Variants in HERC4 observed in about 807,000 individuals in gnomAD.
The protein encoded by HERC4 is HECT and RLD domain containing E3 ubiquitin protein ligase 4, also known as probable E3 ubiquitin-protein ligase HERC4.
In HERC4, 28 loss-of-function variants were observed where a neutral mutation model predicts 124.3. The observed-to-expected ratio is 0.23, with a 90% confidence interval of 0.17 to 0.31. The LOEUF (loss-of-function observed/expected upper bound fraction) is 0.31, where lower values mean the gene tolerates loss of function less well. HERC4 is among the 10% of genes least tolerant of loss of function. HERC4 has a pLI of 1.00. For missense variants in HERC4, 713 were observed against 1,229.3 expected, an observed-to-expected ratio of 0.58 and a Z score of 6.28; for synonymous variants, 407 against 421.5, an observed-to-expected ratio of 0.97 and a Z score of 0.42.
intron 16 of HERC4, chr10:67,964,753 G>A (rs1430159842): frequency 6.6e-6 from 1 of 152,224 alleles, no homozygotes; most frequent in Non-Finnish European, 1.5e-5. Flanking sequence ...AAGCCATGCT[G>A]GCTGTTTTCC....
At chr10:68,029,051 G>A (rs918298544) in intron 7 of HERC4, among the ~76,000 whole-genome samples, 11 of 152,130 alleles carry the variant, frequency 7.2e-5, no homozygotes, top group African/African-American at 2.4e-4. Context: ...AGTGGCGCCC[G>A]TAGCTCCAGC....
intron 5 of HERC4, among the ~76,000 whole-genome samples, 153 bp from the exon 6 acceptor site, chr10:68,034,339 T>C (rs1037046199): frequency 2.0e-5 from 3 of 152,240 alleles, no homozygotes; most frequent in African/African-American, 7.2e-5. Flanking sequence ...TTTTAGCAAT[T>C]ATACTTATTT....
At chr10:68,023,466 C>T (rs771808585) in intron 8 of HERC4, among the ~76,000 whole-genome samples, 3 of 152,148 alleles carry the variant, frequency 2.0e-5, no homozygotes, top group African/African-American at 7.2e-5. Context: ...AAGACAAACA[C>T]TGTAAGAGTC....
chr10:68,049,613 A>AAAC (rs1236417660), intron 3 of HERC4, among the ~76,000 whole-genome samples: 1 of 150,166 alleles, frequency 6.7e-6, no homozygotes, highest in Non-Finnish European at 1.5e-5. Context: ...AAAAAAAAAA[A>AAAC]CACTTTGGAA....
chr10:68,008,294 C>G lies in HERC4; in HGVS notation c.1069+5732G>C, dbSNP rs1439490741. Among the ~76,000 whole-genome samples the G allele has an allele frequency of 3.9e-5, 6 of 152,306 alleles. No individual in the cohort carries two copies. The East Asian group carries it at 1.2e-3, about 29-fold the overall frequency. On this transcript the variant is annotated intron_variant, in intron 9 of 24. Coordinates refer to ENST00000373700, the MANE Select transcript of HERC4 (RefSeq NM_015601.4). ...CACCCAAAGCATGTAGAGACTAATTCCTGTCTATTGTTGATGTTTATTCAA... is the reference window on the plus strand; with the variant it reads ...CACCCAAAGCATGTAGAGACTAATTGCTGTCTATTGTTGATGTTTATTCAA...
At chr10:67,997,889 T>C (rs1218165116) in intron 9 of HERC4, among the ~76,000 whole-genome samples, 1 of 152,042 alleles carries the variant, frequency 6.6e-6, no homozygotes, top group African/African-American at 2.4e-5. Context: ...CATGCATGGA[T>C]AGAACATATT....
chr10:67,978,809 G>A (rs1020071764), intron 15 of HERC4, among the ~76,000 whole-genome samples: 1 of 152,218 alleles, frequency 6.6e-6, no homozygotes, highest in African/African-American at 2.4e-5. Context: ...TAAGGAAAGA[G>A]AAAGAACAAG....
intron 10 of HERC4, 115 bp downstream of exon 10, chr10:67,992,491 G>C (rs2036605164): frequency 1.8e-6 from 2 of 1,118,260 alleles, no homozygotes; most frequent in Admixed American, 5.5e-5. Context: ...GTAGACTTAA[G>C]GGGAAAAAAA....
chr10:68,046,654 T>C (rs912069109), intron 3 of HERC4, among the ~76,000 whole-genome samples: 4 of 152,194 alleles, frequency 2.6e-5, no homozygotes, highest in African/African-American at 9.7e-5. Flanking sequence ...ATTAAAGGAA[T>C]ATGAGCTATT....
At chr10:68,027,581 T>C (rs532371565) in intron 7 of HERC4, among the ~76,000 whole-genome samples, 85 of 152,368 alleles carry the variant, frequency 5.6e-4, no homozygotes, top group Non-Finnish European at 1.1e-3. Flanking sequence ...GATTATTTTA[T>C]TGCATCATGT....
intron 15 of HERC4, among the ~76,000 whole-genome samples, chr10:67,969,763 C>T (rs527519809): frequency 1.3e-5 from 2 of 152,088 alleles, no homozygotes; most frequent in East Asian, 3.9e-4. Context: ...GAAACTGCCA[C>T]ACAAAAAAAT....
At chr10:68,016,659 T>C (rs1212753090) in intron 8 of HERC4, among the ~76,000 whole-genome samples, 4 of 152,176 alleles carry the variant, frequency 2.6e-5, no homozygotes, top group African/African-American at 9.7e-5. Flanking sequence ...CCCAATAAGA[T>C]GTCTTATAGT....
Position 68,069,648 on chromosome 10 carries a change from C to T in HERC4, c.226+3235G>A, listed in dbSNP as rs187928678. ...AAGGCTACCTCTTTCTCCTTCATTC[C>T]TTATTAGTTATGGAATATGTATATT... On this transcript the variant is annotated intron_variant, in intron 3 of 24. Coordinates refer to ENST00000373700, the MANE Select transcript of HERC4 (RefSeq NM_015601.4). 6.7e-4 allele frequency: 657 copies of T among 984,938 alleles called. 2 individuals are homozygous for T. The African/African-American group carries it at 0.011, about 16-fold the overall frequency. 61.0% of individuals were successfully genotyped at this position (984,938 alleles called of 1,614,324 possible).
Position 68,059,523 on chromosome 10 carries a change from A to ACAT in HERC4, c.226+13359_226+13360insATG, listed in dbSNP as rs1186875855. ...ATATATTATAATATTATATATCATA[A>ACAT]TAATATTATATATCATATTATATAT... On this transcript the variant is annotated intron_variant, in intron 3 of 24. Coordinates refer to ENST00000373700, the MANE Select transcript of HERC4 (RefSeq NM_015601.4). 6.3e-5 allele frequency among the ~76,000 whole-genome samples: 6 copies of ACAT among 94,750 alleles called. No homozygotes were observed. In the South Asian group the frequency reaches 1.8e-3, roughly 28 times the overall value. 62.2% of individuals were successfully genotyped at this position (94,750 alleles called of 152,430 possible). A position where few individuals can be genotyped will look rare whatever the true frequency, so the allele number is the denominator to read the frequency against.
intron 17 of HERC4, 129 bp downstream of exon 17, chr10:67,956,749 T>A: frequency 2.0e-6 from 1 of 490,872 alleles, no homozygotes; most frequent in Non-Finnish European, 3.6e-6. Flanking sequence ...CATGCAGCAG[T>A]CTTCTTTATA....
At chr10:68,011,627 A>G (rs2037960944) in intron 9 of HERC4, among the ~76,000 whole-genome samples, 1 of 152,216 alleles carries the variant, frequency 6.6e-6, no homozygotes, top group Non-Finnish European at 1.5e-5. Flanking sequence ...GCTTAAGCCC[A>G]TATTAATATA....
Position 68,014,097 on chromosome 10 carries a change from C to T in HERC4, c.998G>A (p.Ser333Asn). The T allele has an allele frequency of 2.5e-6, 4 of 1,613,624 alleles. No individual in the cohort carries two copies. The highest frequency in any genetic ancestry group is 1.6e-4 in the Middle Eastern group (1 of 6,062). The change falls in exon 9 of 25, where the codon AGC (serine) becomes AAC (asparagine). Residue 333 changes from serine to asparagine, a missense_variant. Ser to Asn is a conservative substitution (Grantham distance 46, BLOSUM62 1). Coordinates refer to ENST00000373700, the MANE Select transcript of HERC4 (RefSeq NM_015601.4). ...TACAGTAAAGGGGCTTTTCCTGTTG[C>T]TTGTTGAACCGGTTCCCAGCTGCCC... ...GNGQLGTGST[S>N]NRKSPFTVKG... is the part of the protein sequence containing the mutation.
At chr10:67,979,648 A>G (rs534779970) in intron 15 of HERC4, among the ~76,000 whole-genome samples, 1 of 152,334 alleles carries the variant, frequency 6.6e-6, no homozygotes, top group Admixed American at 6.5e-5. Context: ...GACATTTAAT[A>G]ATCAAACTTC....
rs11497976 is a variant in HERC4, at chr10:67,982,601, C to T, written c.1806+6062G>A. ...CTAATGCCCCACAAGCACATGCAAC[C>T]AAAGCAAAAGTGGACAAACGGGATT... is the stretch of plus-strand genomic sequence containing the variant. On this transcript the variant is annotated intron_variant, in intron 15 of 24. Transcript: ENST00000373700. Among the ~76,000 whole-genome samples the T allele has an allele frequency of 3.9e-3, 593 of 152,136 alleles. 5 individuals carry two copies. Among genetic ancestry groups the T allele is most frequent in the African/African-American group, 0.014 (567 of 41,482 alleles).
Sources: allele counts gnomAD v4.1 joint callset (sites outside exome capture counted in the v4.1 genomes callset), GRCh38; gene constraint gnomAD v4.1.1; transcripts MANE v1.5; gene names NCBI Gene and HGNC (gene_info 2026-07-23, HGNC 2026-07-21).